Variants in ABAT observed in about 807,000 individuals in gnomAD.
ABAT encodes 4-aminobutyrate aminotransferase, also known as 4-aminobutyrate aminotransferase, mitochondrial.
In ABAT, 45 loss-of-function variants were observed where a neutral mutation model predicts 64.6. That is an observed-to-expected ratio of 0.70 (90% CI 0.55 to 0.89). ABAT has a LOEUF of 0.89. Among genes scored for constraint, ABAT ranks in the 40% least tolerant of loss-of-function variants. ABAT has a pLI of 0.00. For synonymous variants in ABAT, 297 were observed against 250.5 expected (o/e 1.19, Z -1.75); for missense variants, 633 against 658.4 (o/e 0.96, Z 0.42).
chr16:8,784,395 C>G lies in ABAT; in HGVS notation c.*2965C>G, dbSNP rs955053046. The G allele has an allele frequency of 6.6e-6, 1 of 152,550 alleles. No homozygotes were observed. Among genetic ancestry groups the G allele is most frequent in the Admixed American group, 6.5e-5 (1 of 15,268 alleles). The allele number at this position is 152,550 out of a possible 1,614,324, so 9.4% of individuals were successfully genotyped here. On this transcript the variant is annotated 3_prime_UTR_variant, in exon 16 of 16. Transcript: ENST00000268251. ...GTAGAAAACCATAGCTAAGTAGCAT[C>G]GCAGACTTAAGCGTACAAAGTGATC...
chr16:8,688,627 A>G (rs2057511080), intron 1 of ABAT, among the ~76,000 whole-genome samples: 1 of 152,130 alleles, frequency 6.6e-6, no homozygotes, highest in Non-Finnish European at 1.5e-5. Context: ...TTAGAGGCAA[A>G]TAGTCACCAA....
intron 1 of ABAT, among the ~76,000 whole-genome samples, chr16:8,724,746 CAAAAAAAAA>C (rs869130725): frequency 1.5e-4 from 1 of 6,568 alleles, no homozygotes; most frequent in Non-Finnish European, 3.8e-4. Context: ...AAAAAAAAAA[CAAAAAAAAA>C]AAAAAAAAAA....
intron 5 of ABAT, among the ~76,000 whole-genome samples, chr16:8,753,163 G>A (rs142796180): frequency 0.015 from 2,306 of 150,080 alleles, 52 homozygotes; most frequent in African/African-American, 0.054. Flanking sequence ...GCATGATCTC[G>A]GCTCACTGCA....
Position 8,737,918 on chromosome 16 carries a change from AT to A in ABAT, c.70+2111del, listed in dbSNP as rs1316680969. Among the ~76,000 whole-genome samples the A allele has an allele frequency of 3.6e-3, 102 of 28,086 alleles. 2 individuals are homozygous for A. Among genetic ancestry groups the A allele is most frequent in the Admixed American group, 0.028 (75 of 2,654 alleles). The allele number at this position is 28,086 out of a possible 152,430, so 18.4% of individuals were successfully genotyped here. A position where few individuals can be genotyped will look rare whatever the true frequency, so the allele number is the denominator to read the frequency against. On this transcript the variant is annotated intron_variant, in intron 2 of 15. Coordinates refer to ENST00000268251, the MANE Select transcript of ABAT (RefSeq NM_020686.6). The stretch of plus-strand genomic sequence containing the variant: ...ACTTCAGCCTGGGCAACAGACTGAG[AT>A]TAAAAAAAAAAAAAAGAAAGGAAAG...
intron 1 of ABAT, among the ~76,000 whole-genome samples, chr16:8,733,368 G>A (rs923849408): frequency 5.3e-5 from 8 of 150,896 alleles, no homozygotes; most frequent in African/African-American, 2.0e-4. Context: ...AGGCCGAGGG[G>A]CTCCTCACAT....
chr16:8,710,727 A>AGAGAGAGAGAGAGGGAGG (rs146344975), intron 1 of ABAT, among the ~76,000 whole-genome samples: 34 of 103,738 alleles, frequency 3.3e-4, no homozygotes, highest in African/African-American at 7.5e-4. Context: ...AGAGAGAGAG[A>AGAGAGAGAGAGAGGGAGG]GAGGAAATAG....
chr16:8,722,952 G>T (rs2058416654), intron 1 of ABAT: 3 of 1,062,966 alleles, frequency 2.8e-6, no homozygotes, highest in Non-Finnish European at 3.8e-6. Context: ...GAAACAATGT[G>T]ATCCAGCCAG....
rs2057329222 is a variant in ABAT, at chr16:8,681,390, C to G, written c.-42+6679C>G. On this transcript the variant is annotated intron_variant, in intron 1 of 15. Transcript: ENST00000268251. ...GTAGGTCACACACTATCTTGTGATC[C>G]TGGGAATACCACCAGTTCCTGCCTA... Among the ~76,000 whole-genome samples, 3 of 151,680 alleles carry G rather than the reference C, an allele frequency of 2.0e-5. No homozygotes were observed. The South Asian group carries it at 6.3e-4, about 32-fold the overall frequency.
intron 1 of ABAT, among the ~76,000 whole-genome samples, chr16:8,689,699 G>A (rs2141967203): frequency 6.6e-6 from 1 of 152,314 alleles, no homozygotes; most frequent in East Asian, 1.9e-4. Context: ...AGTCTTCTCT[G>A]AGAAAGTGAG....
At chr16:8,760,950 A>G (rs189031824) in intron 6 of ABAT, among the ~76,000 whole-genome samples, 29 of 152,206 alleles carry the variant, frequency 1.9e-4, no homozygotes, top group Admixed American at 7.9e-4. Flanking sequence ...GTGGTGGTGC[A>G]TACCTGTAGT....
intron 2 of ABAT, among the ~76,000 whole-genome samples, chr16:8,739,151 G>A (rs2059083514): frequency 6.6e-6 from 1 of 152,206 alleles, no homozygotes; most frequent in African/African-American, 2.4e-5. Context: ...ATGTGGCAGT[G>A]AAGAAAGACA....
chr16:8,721,830 C>T (rs921844017), intron 1 of ABAT, among the ~76,000 whole-genome samples: 2 of 152,112 alleles, frequency 1.3e-5, no homozygotes, highest in African/African-American at 2.4e-5. Context: ...ACGAAGGAAG[C>T]AGAGAGAGCT....
chr16:8,748,316 T>C (rs1177265534), intron 4 of ABAT, among the ~76,000 whole-genome samples, 179 bp downstream of exon 4: 1 of 152,244 alleles, frequency 6.6e-6, no homozygotes, highest in Non-Finnish European at 1.5e-5. Flanking sequence ...TTACATGATG[T>C]TTAATTTCTA....
At chr16:8,774,225 C>G (rs895154588) in intron 12 of ABAT, among the ~76,000 whole-genome samples, 1 of 152,218 alleles carries the variant, frequency 6.6e-6, no homozygotes, top group African/African-American at 2.4e-5. Context: ...AGCCACCGCG[C>G]CTTGCCGAGT....
In ABAT at chr16:8,772,834, A is replaced by T; in HGVS notation, c.871A>T (p.Ile291Phe). The T allele has an allele frequency of 6.2e-7, 1 of 1,614,128 alleles. No individual in the cohort carries two copies. Among genetic ancestry groups the T allele is most frequent in the South Asian group, 1.1e-5 (1 of 91,080 alleles). ...AAAGAAGAAGACGGTGGCCGGGATC[A>T]TCGTGGAGCCCATCCAGTCCGAGGG... ...RKKKKTVAGI[I>F]VEPIQSEGGD... Residue 291 changes from isoleucine (I) to phenylalanine (F), a missense_variant, in exon 12 of 16, where the codon ATC (isoleucine) becomes TTC (phenylalanine). Physicochemically the swap from Ile to Phe is conservative, Grantham distance 21. Coordinates refer to ENST00000268251, the MANE Select transcript of ABAT (RefSeq NM_020686.6).
rs1210693818 is a variant in ABAT at position 8,682,184 on chromosome 16, G to GACACAC, written c.-42+7474_-42+7475insCACACA. Among the ~76,000 whole-genome samples the GACACAC allele has an allele frequency of 6.1e-3, 534 of 87,650 alleles. 5 individuals carry two copies. The highest frequency in any genetic ancestry group is 0.021 in the African/African-American group (508 of 23,806). The allele number at this position is 87,650 out of a possible 152,430, so 57.5% of individuals were successfully genotyped here. ...CAATCAGATTGCTTGTGCCTAACAG[G>GACACAC]ATACACACACACACACACACACACA... On this transcript the variant is annotated intron_variant, in intron 1 of 15. Transcript: ENST00000268251.
intron 1 of ABAT, among the ~76,000 whole-genome samples, chr16:8,704,701 A>G (rs1230029746): frequency 6.6e-6 from 1 of 152,130 alleles, no homozygotes; most frequent in African/African-American, 2.4e-5. Context: ...CTCTCATTAC[A>G]TGGCTTAAAA....
At chr16:8,744,390 TG>T (rs1249983129) in intron 2 of ABAT, among the ~76,000 whole-genome samples, 1 of 151,800 alleles carries the variant, frequency 6.6e-6, no homozygotes, top group Admixed American at 6.6e-5. Context: ...TCTTTTGAGA[TG>T]GAGTCTCGCT....
intron 1 of ABAT, among the ~76,000 whole-genome samples, chr16:8,691,837 G>A (rs751065405): frequency 2.8e-4 from 42 of 152,208 alleles, no homozygotes; most frequent in Non-Finnish European, 5.9e-4. Context: ...AGAGGCCAGG[G>A]ATTCTGCTAA....
Sources: gnomAD v4.1 joint callset for allele counts (sites outside exome capture counted in the v4.1 genomes callset) on GRCh38, gnomAD v4.1.1 for gene constraint, MANE v1.5 for transcripts, NCBI Gene and HGNC (gene_info 2026-07-23, HGNC 2026-07-21) for gene names.